OCA2: variants seen among roughly 807,000 people sequenced by gnomAD.
OCA2 encodes the protein OCA2 melanosomal transmembrane protein.
Under a neutral mutation model 100.2 loss-of-function variants are expected in OCA2, and 77 were observed. That is an observed-to-expected ratio of 0.77 (90% confidence interval 0.64 to 0.93). The LOEUF is 0.93. Ranked by LOEUF, OCA2 falls within the 40% of genes least tolerant of loss-of-function variation. The pLI is 0.00. For missense variants in OCA2, 1,062 were observed against 1,089.1 expected (o/e 0.98, Z 0.35); for synonymous variants, 432 against 439.2 (o/e 0.98, Z 0.21).
At position 27,764,044 on chromosome 15, in the gene OCA2, A is replaced by C. The variant is rs1252625386; in HGVS notation, c.2433-8572T>G. 2.6e-5 allele frequency among the ~76,000 whole-genome samples: 4 copies of C among 151,208 alleles called. No individual in the cohort carries two copies. The East Asian group carries it at 8.0e-4, about 30-fold the overall frequency. On this transcript the variant is annotated intron_variant, in intron 23 of 23. Transcript: ENST00000354638. ...GAGACAGAGAGAGAGGTAGGAGGGA[A>C]GGGAGAGGGAGAGATAGACAGAGGG...
intron 2 of OCA2, among the ~76,000 whole-genome samples, chr15:28,039,903 G>A (rs1231204891): frequency 2.0e-5 from 3 of 152,006 alleles, no homozygotes; most frequent in Non-Finnish European, 4.4e-5. Context: ...GTGGTCGCAC[G>A]CACCTATAAT....
At chr15:27,858,388 G>GAA (rs200488887) in intron 21 of OCA2, among the ~76,000 whole-genome samples, 17 of 49,410 alleles carry the variant, frequency 3.4e-4, no homozygotes, top group African/African-American at 5.3e-4. Flanking sequence ...AAGAAAGAAA[G>GAA]AAAAAAAAAA....
chr15:27,797,985 C>T (rs568037581), intron 23 of OCA2, among the ~76,000 whole-genome samples: 68 of 152,290 alleles, frequency 4.5e-4, no homozygotes, highest in Non-Finnish European at 7.3e-4. Context: ...AGCAGCCTGG[C>T]GCCAGGACAG....
At chr15:27,829,958 A>G (rs1374818101) in intron 23 of OCA2, among the ~76,000 whole-genome samples, 1 of 152,254 alleles carries the variant, frequency 6.6e-6, no homozygotes, top group Admixed American at 6.5e-5. Context: ...AATACTATAA[A>G]GCAAAGATAT....
chr15:28,045,879 G>A (rs2043331673), intron 2 of OCA2, among the ~76,000 whole-genome samples: 1 of 152,194 alleles, frequency 6.6e-6, no homozygotes, highest in Non-Finnish European at 1.5e-5. Flanking sequence ...ATATCCTGGT[G>A]ATATCAGGTT....
chr15:27,996,013 G>T (rs549371437), intron 9 of OCA2, among the ~76,000 whole-genome samples: 1 of 152,042 alleles, frequency 6.6e-6, no homozygotes, highest in East Asian at 1.9e-4. Context: ...GGGTTTCACT[G>T]TGTTGGCCAG....
At chr15:27,772,706 T>G (rs1207884123) in intron 23 of OCA2, among the ~76,000 whole-genome samples, 1 of 152,064 alleles carries the variant, frequency 6.6e-6, no homozygotes, top group Non-Finnish European at 1.5e-5. Flanking sequence ...CTGGGTGTGG[T>G]GGCAGGCGCC....
In OCA2 at chr15:27,923,480, C is replaced by T. The variant is rs2038939036; in HGVS notation, c.2079+2647G>A. On this transcript the variant is annotated intron_variant, in intron 19 of 23. Transcript: ENST00000354638. ...TTGAACTAATTTACACTCCTGCCAGCAGTGTATAAGTGATCTCTTTTCTCT... is the reference window on the plus strand; with the variant it reads ...TTGAACTAATTTACACTCCTGCCAGTAGTGTATAAGTGATCTCTTTTCTCT... 3.3e-5 allele frequency among the ~76,000 whole-genome samples: 5 copies of T among 152,184 alleles called. No individual in the cohort carries two copies. The South Asian group carries it at 8.3e-4, about 25-fold the overall frequency.
chr15:27,887,614 CCT>C (rs200471278), intron 19 of OCA2, among the ~76,000 whole-genome samples: 12,304 of 124,804 alleles, frequency 0.099, 991 homozygotes, highest in South Asian at 0.26. Flanking sequence ...GTCCACTAAA[CCT>C]CTTTTTTTTT....
chr15:27,944,329 T>C (rs1011759998), intron 18 of OCA2, among the ~76,000 whole-genome samples: 3 of 152,230 alleles, frequency 2.0e-5, no homozygotes, highest in African/African-American at 7.2e-5. Context: ...AAGCTAACTT[T>C]GGCAGACGTT....
intron 19 of OCA2, among the ~76,000 whole-genome samples, chr15:27,904,208 C>T (rs1230710559): frequency 6.6e-6 from 1 of 152,168 alleles, no homozygotes; most frequent in East Asian, 1.9e-4. Flanking sequence ...TCAGCTCCCT[C>T]GCTCGCTCCA....
intron 23 of OCA2, among the ~76,000 whole-genome samples, chr15:27,787,168 A>G (rs2032854229): frequency 6.6e-6 from 1 of 152,114 alleles, no homozygotes; most frequent in Non-Finnish European, 1.5e-5. Context: ...CCTTTCATAT[A>G]TTGCTGGACT....
At chr15:27,837,512 C>A (rs181113203) in intron 23 of OCA2, among the ~76,000 whole-genome samples, 42 of 152,274 alleles carry the variant, frequency 2.8e-4, no homozygotes, top group Admixed American at 5.9e-4. Context: ...ATCTCTCAGG[C>A]CCCTGCCCCA....
intron 9 of OCA2, among the ~76,000 whole-genome samples, chr15:28,013,323 G>A (rs1438580994): frequency 2.0e-5 from 3 of 152,112 alleles, no homozygotes; most frequent in African/African-American, 4.8e-5. Flanking sequence ...AGATGGTGGC[G>A]CAGTAAAGAT....
chr15:27,777,705 T>A (rs963140369), intron 23 of OCA2, among the ~76,000 whole-genome samples: 7 of 152,320 alleles, frequency 4.6e-5, no homozygotes, highest in Admixed American at 6.5e-5. Flanking sequence ...CTAGCCCCAA[T>A]GCCTTGGAGA....
intron 18 of OCA2, among the ~76,000 whole-genome samples, chr15:27,937,471 T>C (rs1324770497): frequency 1.3e-5 from 2 of 152,252 alleles, no homozygotes; most frequent in African/African-American, 4.8e-5. Context: ...CTTTAGTAGA[T>C]GCTGTCAAAT....
intron 9 of OCA2, among the ~76,000 whole-genome samples, chr15:28,013,301 G>A (rs912796336): frequency 2.0e-5 from 3 of 152,138 alleles, no homozygotes; most frequent in African/African-American, 7.2e-5. Context: ...AACAGAATAG[G>A]ATTTGTCAAC....
chr15:27,799,987 T>A (rs376256897), intron 23 of OCA2, among the ~76,000 whole-genome samples: 1 of 152,154 alleles, frequency 6.6e-6, no homozygotes. Flanking sequence ...CTGTAAGGAT[T>A]TGGGTCATAC....
chr15:27,835,572 C>T (rs1290022718), intron 23 of OCA2, among the ~76,000 whole-genome samples: 1 of 152,256 alleles, frequency 6.6e-6, no homozygotes, highest in Non-Finnish European at 1.5e-5. Context: ...GAAATCGTCA[C>T]TGTTGCTTTA....
Sources: allele counts gnomAD v4.1 joint callset (sites outside exome capture counted in the v4.1 genomes callset), GRCh38; gene constraint gnomAD v4.1.1; transcripts MANE v1.5; gene names NCBI Gene and HGNC (gene_info 2026-07-23, HGNC 2026-07-21).